GRK7: variants seen among roughly 807,000 people sequenced by gnomAD.
The protein encoded by GRK7 is G protein-coupled receptor kinase 7.
Under a neutral mutation model 34.1 loss-of-function variants are expected in GRK7, and 24 were observed. The ratio of observed to expected loss-of-function variants is 0.70; its 90% CI spans 0.51 to 0.99. GRK7 has a LOEUF of 0.99. Ranked by LOEUF, GRK7 falls within the 50% of genes least tolerant of loss-of-function variation. GRK7 has a pLI of 0.00. For missense variants in GRK7, 644 were observed against 707.3 expected, an observed-to-expected ratio of 0.91 and a Z score of 1.02; for synonymous variants, 256 against 279.4, an observed-to-expected ratio of 0.92 and a Z score of 0.84.
the GRK7 span, among the ~76,000 whole-genome samples, chr3:141,751,709 A>G: frequency 7.8e-4 from 119 of 152,334 alleles, no homozygotes; most frequent in African/African-American, 2.7e-3. Flanking sequence ...TATAGCTACT[A>G]GCCACATGTA....
intron 5 of GRK7, among the ~76,000 whole-genome samples, chr3:141,812,068 C>T (rs1015327264): frequency 8.5e-5 from 13 of 152,214 alleles, no homozygotes; most frequent in African/African-American, 2.4e-4. Context: ...AAGTGCTTCT[C>T]CAACAAACAA....
chr3:141,760,715 T>C (rs1041542607), upstream of GRK7, among the ~76,000 whole-genome samples: 23 of 147,864 alleles, frequency 1.6e-4, no homozygotes, highest in African/African-American at 5.7e-4. Flanking sequence ...GACAGTGGGG[T>C]GTTAAAGTCT....
chr3:141,764,324 C>A lies in GRK7; in HGVS notation c.-1629C>A, dbSNP rs994996139. ...TAGCTTACACTAGCTGCCTCCAATTCATTGATTCTCTGTTGAACTGACTCT... is the reference window on the plus strand; with the variant it reads ...TAGCTTACACTAGCTGCCTCCAATTAATTGATTCTCTGTTGAACTGACTCT... On this transcript the variant is annotated 5_prime_UTR_variant, in exon 1 of 6. Transcript: ENST00000682958. Among the ~76,000 whole-genome samples the A allele has an allele frequency of 1.3e-5, 2 of 152,198 alleles. No homozygotes were observed. The highest frequency in any genetic ancestry group is 2.9e-5 in the Non-Finnish European group (2 of 68,038).
intron 5 of GRK7, among the ~76,000 whole-genome samples, chr3:141,808,566 A>T (rs1015117672): frequency 6.6e-6 from 1 of 151,940 alleles, no homozygotes; most frequent in Admixed American, 6.6e-5. Context: ...TACAAAAATT[A>T]GCCGGGGGCG....
At chr3:141,781,994 G>C (rs893900406) in intron 4 of GRK7, among the ~76,000 whole-genome samples, 1 of 152,146 alleles carries the variant, frequency 6.6e-6, no homozygotes, top group Admixed American at 6.5e-5. Context: ...GAAAAATCAT[G>C]GCAAGTTTGG....
chr3:141,796,573 G>A (rs1577921404), intron 4 of GRK7, among the ~76,000 whole-genome samples: 1 of 152,316 alleles, frequency 6.6e-6, no homozygotes, highest in East Asian at 1.9e-4. Context: ...CAAGGCTGCA[G>A]CAGTGGGCAG....
chr3:141,769,979 A>T (rs2084609678), intron 1 of GRK7, among the ~76,000 whole-genome samples: 1 of 152,184 alleles, frequency 6.6e-6, no homozygotes, highest in African/African-American at 2.4e-5. Flanking sequence ...CAGTGGCGCA[A>T]TCTCGGCCCA....
rs375381765 is a variant in GRK7 at position 141,787,550 on chromosome 3, G to C, written c.1050+6739G>C. 7.3e-5 allele frequency among the ~76,000 whole-genome samples: 11 copies of C among 151,078 alleles called. 1 individual carries two copies. The East Asian group carries it at 7.8e-4, about 11-fold the overall frequency. The stretch of plus-strand genomic sequence containing the variant: ...GAGGCAGGAGAATTGCTTGAACCTG[G>C]GAGGCAGAAGGTTGCAGTGAGCCAA... On this transcript the variant is annotated intron_variant, in intron 4 of 5. Transcript: ENST00000682958.
In GRK7 at chr3:141,774,568, C is replaced by T. The variant is rs1224218482; in HGVS notation, c.-214-12C>T. ...AATATCTCTGTGATATCAATGCTAC[C>T]ATTTTCTCAAGGTTCTACCCTGCTA... On this transcript the variant is annotated splice_polypyrimidine_tract_variant and intron_variant, in intron 1 of 5. Transcript: ENST00000682958. Among the ~76,000 whole-genome samples, 1 of 152,034 alleles carries T rather than the reference C, an allele frequency of 6.6e-6. No homozygotes were observed. Among genetic ancestry groups the T allele is most frequent in the African/African-American group, 2.4e-5 (1 of 41,384 alleles).
chr3:141,811,008 C>T (rs1711087278), intron 5 of GRK7, among the ~76,000 whole-genome samples: 1 of 152,158 alleles, frequency 6.6e-6, no homozygotes, highest in Admixed American at 6.6e-5. Context: ...GCCTCAATTC[C>T]CACGTTTGAT....
chr3:141,764,111 G>A lies in GRK7; in HGVS notation c.-1842G>A, dbSNP rs2084569287. ...AGCCCCACAAATCACTCGCTGAGTT[G>A]CTAGCTCCCAGCTCTCCATCACTAC... On this transcript the variant is annotated 5_prime_UTR_variant, in exon 1 of 6. Transcript: ENST00000682958. 6.6e-6 allele frequency among the ~76,000 whole-genome samples: 1 copy of A among 152,116 alleles called. No individual in the cohort carries two copies. The highest frequency in any genetic ancestry group is 2.1e-4 in the South Asian group (1 of 4,820).
chr3:141,813,655 C>T (rs1014109198), intron 5 of GRK7, among the ~76,000 whole-genome samples: 1 of 152,120 alleles, frequency 6.6e-6, no homozygotes, highest in African/African-American at 2.4e-5. Context: ...CAAGAAGTTC[C>T]GGATAGACCT....
chr3:141,804,626 TACAC>T (rs539916423), intron 4 of GRK7, among the ~76,000 whole-genome samples: 34 of 147,988 alleles, frequency 2.3e-4, no homozygotes, highest in Admixed American at 8.8e-4. Flanking sequence ...CGCTCATACA[TACAC>T]ACACTCACAC....
rs2084650476 is a variant in GRK7 at position 141,778,295 on chromosome 3, T to C, written c.11T>C (p.Met4Thr). The C allele has an allele frequency of 3.2e-6, 5 of 1,571,028 alleles. No individual in the cohort carries two copies. The highest frequency in any genetic ancestry group is 3.5e-6 in the Non-Finnish European group (4 of 1,156,158). Residue 4 changes from methionine (M) to threonine (T), a missense_variant, in exon 3 of 6, where the codon ATG (methionine) becomes ACG (threonine). Transcript: ENST00000682958. The surrounding 1 kb of genome is among the most constrained non-coding windows in gnomAD (Gnocchi z 4.1). MVDMGALDNLIANT... is the reference protein window; with the variant it reads MVDTGALDNLIANT... ...GCCCCGTGCTCAGCCATGGTGGACA[T>C]GGGGGCCCTGGACAACCTGATCGCC...
At chr3:141,763,133 G>A (rs551609472), upstream of GRK7, among the ~76,000 whole-genome samples, 15 of 152,256 alleles carry the variant, frequency 9.9e-5, no homozygotes, top group African/African-American at 3.4e-4. Flanking sequence ...GTTCCTATTC[G>A]GCCATCTTGG....
upstream of GRK7, among the ~76,000 whole-genome samples, chr3:141,763,024 T>C (rs994630744): frequency 2.6e-5 from 4 of 152,220 alleles, no homozygotes; most frequent in Non-Finnish European, 5.9e-5. Flanking sequence ...GCGCCCACTG[T>C]CTGGCACTCC....
intron 4 of GRK7, among the ~76,000 whole-genome samples, chr3:141,786,294 T>G (rs971383159): frequency 6.6e-6 from 1 of 152,236 alleles, no homozygotes; most frequent in South Asian, 2.1e-4. Context: ...TTTACAGACA[T>G]TGGAACTAAA....
chr3:141,805,063 C>G (rs2107892511), intron 4 of GRK7, among the ~76,000 whole-genome samples: 1 of 15,060 alleles, frequency 6.6e-5, no homozygotes, highest in Non-Finnish European at 1.5e-4. Context: ...TATGCCCACA[C>G]ACACACACAC....
intron 4 of GRK7, among the ~76,000 whole-genome samples, chr3:141,786,367 G>T (rs73872336): frequency 1.1e-4 from 17 of 152,294 alleles, no homozygotes; most frequent in African/African-American, 4.1e-4. Flanking sequence ...AATGACCCTT[G>T]CTTGCCCTTG....
Sources: gnomAD v4.1 joint callset for allele counts (sites outside exome capture counted in the v4.1 genomes callset) on GRCh38, gnomAD v4.1.1 for gene constraint, Gnocchi (gnomAD v3.1) non-coding constraint, MANE v1.5 for transcripts, NCBI Gene and HGNC (gene_info 2026-07-23, HGNC 2026-07-21) for gene names.